Variants in USP9Y observed in about 807,000 individuals in gnomAD.
USP9Y encodes the protein ubiquitin specific peptidase 9 Y-linked.
Under a neutral mutation model 53.1 loss-of-function variants are expected in USP9Y, and 41 were observed. That is an observed-to-expected ratio of 0.77 (90% CI 0.60 to 1.00). The LOEUF (loss-of-function observed/expected upper bound fraction) is 1.00, where lower values mean the gene tolerates loss of function less well. Among genes scored for constraint, USP9Y ranks in the 50% least tolerant of loss-of-function variants. The pLI, the probability that USP9Y is intolerant of heterozygous loss-of-function variation, is 0.00. For missense variants in USP9Y, 567 were observed against 535.8 expected (o/e 1.06, Z -0.58); for synonymous variants, 220 against 173.7 (o/e 1.27, Z -2.09).
At chrY:12,833,631 A>G in intron 33 of USP9Y, 57 bp from the exon 34 acceptor site, 1 of 339,854 alleles carries the variant, frequency 2.9e-6, no homozygotes, top group East Asian at 9.4e-5. Flanking sequence ...GTTGTTATAA[A>G]ATATGGATAT....
At chrY:12,793,900 A>C in intron 27 of USP9Y, among the ~76,000 whole-genome samples, 1 of 33,180 alleles carries the variant, frequency 3.0e-5, no homozygotes. Context: ...CGGTCTGTTG[A>C]TAGACACCTG....
chrY:12,804,428 T>G (rs539589586), intron 27 of USP9Y, among the ~76,000 whole-genome samples: 1 of 33,486 alleles, frequency 3.0e-5, no homozygotes, highest in South Asian at 6.8e-4. Flanking sequence ...CTTTGATAGC[T>G]TTCATAATTG....
At chrY:12,765,120 C>T in intron 15 of USP9Y, among the ~76,000 whole-genome samples, 2 of 33,433 alleles carry the variant, frequency 6.0e-5, no homozygotes, top group Non-Finnish European at 7.4e-5. Flanking sequence ...ATATTGTACA[C>T]TATATTACAA....
intron 16 of USP9Y, among the ~76,000 whole-genome samples, chrY:12,773,123 G>A (rs2053487649): frequency 3.0e-5 from 1 of 33,364 alleles, no homozygotes; most frequent in African/African-American, 1.2e-4. Flanking sequence ...TTTAATTACT[G>A]GTGGATTTTT....
intron 12 of USP9Y, among the ~76,000 whole-genome samples, chrY:12,748,167 G>T: frequency 3.1e-5 from 1 of 32,138 alleles, no homozygotes; most frequent in Non-Finnish European, 7.7e-5. Context: ...AAAACAGAAA[G>T]AAAAAAAAGT....
In USP9Y at chrY:12,757,241, T is replaced by C. The variant is rs777718247; in HGVS notation, c.1472T>C (p.Leu491Ser). ...SKKQREKLLE[L>S]IRRLAEDDKD... ...AAGCAACGTGAAAAGCTCCTTGAGT[T>C]GATACGCCGTCTTGCAGAAGATGAT... is the stretch of plus-strand genomic sequence containing the variant. The change falls in exon 13 of 46, where the codon TTG becomes TCG. Residue 491 changes from leucine (L) to serine (S), a missense_variant. Transcript: ENST00000338981. 2.5e-6 allele frequency: 1 copy of C among 399,067 alleles called. No individual in the cohort carries two copies. Among genetic ancestry groups the C allele is most frequent in the East Asian group, 9.2e-5 (1 of 10,864 alleles).
At position 12,758,498 on chromosome Y, in the gene USP9Y, T is replaced by C. The variant is rs1162319026; in HGVS notation, c.1630-8T>C. ...CCACTTACAGTATAAATTTTTTTCA[T>C]GTATAAGGATCGAGATGCACAGAAG... is the stretch of plus-strand genomic sequence containing the variant. On this transcript the variant is annotated splice_region_variant and splice_polypyrimidine_tract_variant and intron_variant, in intron 13 of 45. Coordinates refer to ENST00000338981, the MANE Select transcript of USP9Y (RefSeq NM_004654.4). The C allele has an allele frequency of 7.9e-6, 3 of 379,889 alleles. No homozygotes were observed. In the South Asian group the frequency reaches 9.5e-5, roughly 12 times the overall value. The allele number at this position is 379,889 out of a possible 400,897, so 94.8% of individuals were successfully genotyped here.
chrY:12,739,741 A>G, intron 12 of USP9Y, 112 bp downstream of exon 12: 1 of 130,012 alleles, frequency 7.7e-6, no homozygotes, highest in Non-Finnish European at 1.5e-5. Flanking sequence ...CTTAACTAAC[A>G]TTTTCATGGA....
intron 33 of USP9Y, among the ~76,000 whole-genome samples, chrY:12,823,155 G>A: frequency 6.0e-5 from 2 of 33,122 alleles, no homozygotes; most frequent in African/African-American, 1.2e-4. Flanking sequence ...CTGAGCCACC[G>A]TGCCCTGCCA....
At chrY:12,822,487 C>A in intron 33 of USP9Y, among the ~76,000 whole-genome samples, 1 of 31,364 alleles carries the variant, frequency 3.2e-5, no homozygotes, top group Non-Finnish European at 7.7e-5. Flanking sequence ...GCCTCAGCCT[C>A]CCAAGTGGCT....
chrY:12,750,642 A>G (rs2053463501), intron 12 of USP9Y, among the ~76,000 whole-genome samples: 1 of 33,642 alleles, frequency 3.0e-5, no homozygotes, highest in East Asian at 7.6e-4. Context: ...GTCTTGGTAT[A>G]TGGAGATGTT....
chrY:12,739,433 C>A, intron 11 of USP9Y, 92 bp from the exon 12 acceptor site: 1 of 166,402 alleles, frequency 6.0e-6, no homozygotes, highest in Non-Finnish European at 1.1e-5. Flanking sequence ...AATGGAGATT[C>A]TTGTAGTAGA....
At chrY:12,767,456 G>A in intron 15 of USP9Y, among the ~76,000 whole-genome samples, 7 of 33,027 alleles carry the variant, frequency 2.1e-4, no homozygotes, top group African/African-American at 8.3e-4. Context: ...GATTTTTCCC[G>A]TTAGATTAGT....
intron 27 of USP9Y, among the ~76,000 whole-genome samples, chrY:12,795,744 C>T: frequency 3.0e-5 from 1 of 33,396 alleles, no homozygotes; most frequent in Non-Finnish European, 7.4e-5. Flanking sequence ...CTCCCCACTC[C>T]CAACCCACCT....
intron 33 of USP9Y, among the ~76,000 whole-genome samples, chrY:12,827,002 C>T (rs753022525): frequency 3.0e-5 from 1 of 33,148 alleles, no homozygotes; most frequent in South Asian, 6.8e-4. Context: ...CAATGGAATT[C>T]CTGACTTAAG....
intron 33 of USP9Y, among the ~76,000 whole-genome samples, chrY:12,830,258 A>G: frequency 5.9e-5 from 2 of 33,895 alleles, no homozygotes; most frequent in Non-Finnish European, 1.5e-4. Context: ...GAAAGCCTCA[A>G]ATCTACATCT....
chrY:12,834,062 A>G, intron 34 of USP9Y, among the ~76,000 whole-genome samples: 2 of 33,003 alleles, frequency 6.1e-5, no homozygotes, highest in African/African-American at 1.2e-4. Flanking sequence ...TACTTCCTCA[A>G]TTCATTCTTG....
At chrY:12,724,363 C>T in intron 5 of USP9Y, among the ~76,000 whole-genome samples, 1 of 33,698 alleles carries the variant, frequency 3.0e-5, no homozygotes, top group Non-Finnish European at 7.4e-5. Flanking sequence ...GGGAAGATCA[C>T]CTGAGGTCAG....
At chrY:12,767,064 G>A in intron 15 of USP9Y, among the ~76,000 whole-genome samples, 1 of 33,042 alleles carries the variant, frequency 3.0e-5, no homozygotes, top group African/African-American at 1.2e-4. Context: ...GCTGTAAAGA[G>A]TCACAGCAGT....
Sources: gnomAD v4.1 joint callset for allele counts (sites outside exome capture counted in the v4.1 genomes callset) on GRCh38, gnomAD v4.1.1 for gene constraint, MANE v1.5 for transcripts, NCBI Gene and HGNC (gene_info 2026-07-23, HGNC 2026-07-21) for gene names.